The following DCN variants were observed in gnomAD, a reference collection of about 807,000 sequenced individuals.
DCN encodes decorin.
Under a neutral mutation model 36.5 loss-of-function variants are expected in DCN, and 17 were observed. The observed-to-expected ratio is 0.47, with a 90% CI of 0.32 to 0.70. DCN has a LOEUF of 0.70. DCN is among the 30% of genes least tolerant of loss of function. DCN has a pLI of 0.04. For missense variants in DCN, 389 were observed against 430.1 expected (o/e 0.90, Z 0.84); for synonymous variants, 163 against 161.4 (o/e 1.01, Z -0.07).
intron 7 of DCN, among the ~76,000 whole-genome samples, chr12:91,149,909 GA>G (rs1418551621): frequency 1.3e-5 from 2 of 152,076 alleles, no homozygotes; most frequent in Non-Finnish European, 2.9e-5. Flanking sequence ...AAACTGTTGA[GA>G]AAAAGAAAAG....
Position 91,145,330 on chromosome 12 carries a change from A to G in DCN, c.*728T>C, listed in dbSNP as rs1880940280. The G allele has an allele frequency of 1.3e-5, 2 of 152,656 alleles. No individual in the cohort carries two copies. The highest frequency in any genetic ancestry group is 4.8e-5 in the African/African-American group (2 of 41,572). The allele number at this position is 152,656 out of a possible 1,614,324, so 9.5% of individuals were successfully genotyped here. The stretch of plus-strand genomic sequence containing the variant: ...ATCAGTTCTCTAGACCAGTCAGGAA[A>G]TGTATGCTTTGTGCTTTATAAGCTT... On this transcript the variant is annotated 3_prime_UTR_variant, in exon 8 of 8. Coordinates refer to ENST00000052754, the MANE Select transcript of DCN (RefSeq NM_001920.5).
chr12:91,177,223 T>C (rs946805466), intron 2 of DCN: 2 of 244,650 alleles, frequency 8.2e-6, no homozygotes, highest in African/African-American at 2.3e-5. Flanking sequence ...ATATATGTGT[T>C]GAAGAAGCTA....
intron 2 of DCN, chr12:91,176,040 C>A (rs993458089): frequency 6.6e-6 from 1 of 152,010 alleles, no homozygotes; most frequent in African/African-American, 2.4e-5. Context: ...AGCTTGCCAG[C>A]ATCATAAAGT....
chr12:91,159,687 A>T (rs1882037612), intron 3 of DCN, among the ~76,000 whole-genome samples: 1 of 151,950 alleles, frequency 6.6e-6, no homozygotes, highest in Admixed American at 6.6e-5. Context: ...CTTATATAAG[A>T]AATTACCTCT....
rs1253158937 is a variant in DCN, at chr12:91,182,252, C to A, written c.-34+403G>T. On this transcript the variant is annotated intron_variant, in intron 1 of 7. Coordinates refer to ENST00000052754, the MANE Select transcript of DCN (RefSeq NM_001920.5). The stretch of plus-strand genomic sequence containing the variant: ...GGCTTTTAAAAGTCCTTAAAGCAAT[C>A]AAAAATTCAGGAGAAAAATACATTT... 2.0e-5 allele frequency among the ~76,000 whole-genome samples: 3 copies of A among 151,924 alleles called. No homozygotes were observed. The East Asian group carries it at 5.8e-4, about 29-fold the overall frequency.
intron 3 of DCN, among the ~76,000 whole-genome samples, chr12:91,159,652 A>G (rs1592689932): frequency 1.3e-5 from 2 of 151,554 alleles, no homozygotes; most frequent in African/African-American, 4.8e-5. Flanking sequence ...TTGGGTAATT[A>G]TTTGATTTTT....
Position 91,143,227 on chromosome 12 carries a change from C to T in DCN, c.*2831G>A, listed in dbSNP as rs544495668. ...TGGAAGGAATCTGACCCTGCTGACA[C>T]CTTGATTTTGAATTTTTAGCCTCCA... On this transcript the variant is annotated 3_prime_UTR_variant, in exon 8 of 8. Transcript: ENST00000052754. 1.3e-5 allele frequency: 2 copies of T among 152,148 alleles called. No homozygotes were observed. Among genetic ancestry groups the T allele is most frequent in the East Asian group, 3.8e-4 (2 of 5,196 alleles). 9.4% of individuals were successfully genotyped at this position (152,148 alleles called of 1,614,324 possible).
chr12:91,162,768 A>C (rs1416077527), intron 3 of DCN, among the ~76,000 whole-genome samples: 1 of 152,192 alleles, frequency 6.6e-6, no homozygotes, highest in Non-Finnish European at 1.5e-5. Flanking sequence ...CTGCTTCTGT[A>C]AAACTTCTAC....
At position 91,182,288 on chromosome 12, in the gene DCN, T is replaced by C. The variant is rs934236739; in HGVS notation, c.-34+367A>G. On this transcript the variant is annotated intron_variant, in intron 1 of 7. Transcript: ENST00000052754. The stretch of plus-strand genomic sequence containing the variant: ...GAGAAAAATACATTTTTTAAATATA[T>C]AGGTCAATTACAGATATGCTACTTC... Among the ~76,000 whole-genome samples the C allele has an allele frequency of 5.3e-5, 8 of 152,156 alleles. No individual in the cohort carries two copies. The East Asian group carries it at 1.5e-3, about 29-fold the overall frequency.
In DCN at chr12:91,145,441, T is replaced by A. The variant is rs1880948325; in HGVS notation, c.*617A>T. On this transcript the variant is annotated 3_prime_UTR_variant, in exon 8 of 8. Coordinates refer to ENST00000052754, the MANE Select transcript of DCN (RefSeq NM_001920.5). ...AAATAGCTGAGAACTTGAAAAGATG[T>A]ACTGTTATTGTCAACAAACCAATGT... The A allele has an allele frequency of 6.4e-6, 1 of 156,782 alleles. No homozygotes were observed. Among genetic ancestry groups the A allele is most frequent in the Non-Finnish European group, 1.4e-5 (1 of 70,692 alleles). The allele number at this position is 156,782 out of a possible 1,614,324, so 9.7% of individuals were successfully genotyped here.
chr12:91,157,957 G>T lies in DCN; in HGVS notation c.538+339C>A, dbSNP rs1881905069. On this transcript the variant is annotated intron_variant, in intron 4 of 7. Transcript: ENST00000052754. Reference sequence around the variant, plus strand: ...CATATTTTTAAAGCAAATGATTTATGAGTGTTTAGAATACAACAGGTCCCC... The same window carrying T: ...CATATTTTTAAAGCAAATGATTTATTAGTGTTTAGAATACAACAGGTCCCC... Among the ~76,000 whole-genome samples the T allele has an allele frequency of 2.0e-5, 3 of 152,126 alleles. No individual in the cohort carries two copies. In the South Asian group the frequency reaches 6.2e-4, roughly 31 times the overall value.
rs765826074 is a variant in DCN at position 91,164,693 on chromosome 12, A to C, written c.236T>G (p.Leu79Arg). The change falls in exon 3 of 8, where the codon CTT becomes CGT. Residue 79 changes from leucine to arginine, a missense_variant. Coordinates refer to ENST00000052754, the MANE Select transcript of DCN (RefSeq NM_001920.5). ...GTCTAGCAGAGTTGTGTCAGGGGGAAGATCCTTTGGCACTTTGTCCAGACC... is the reference window on the plus strand; with the variant it reads ...GTCTAGCAGAGTTGTGTCAGGGGGACGATCCTTTGGCACTTTGTCCAGACC... ...DLGLDKVPKD[L>R]PPDTTLLDLQ... 4.2e-5 allele frequency: 68 copies of C among 1,610,260 alleles called. No homozygotes were observed. The highest frequency in any genetic ancestry group is 5.0e-5 in the Admixed American group (3 of 59,996).
intron 1 of DCN, among the ~76,000 whole-genome samples, chr12:91,182,034 T>C (rs1478980347): frequency 6.6e-6 from 1 of 152,132 alleles, no homozygotes; most frequent in African/African-American, 2.4e-5. Context: ...AAATTTCACT[T>C]GCAGTGAAGA....
rs1302802917 is a variant in DCN at position 91,178,456 on chromosome 12, C to G, written c.97G>C (p.Ala33Pro). The G allele has an allele frequency of 1.2e-6, 2 of 1,613,834 alleles. No individual in the cohort carries two copies. Among genetic ancestry groups the G allele is most frequent in the Non-Finnish European group, 1.7e-6 (2 of 1,179,942 alleles). Residue 33 changes from alanine to proline, a missense_variant, in exon 2 of 8, where the codon GCT becomes CCT. Transcript: ENST00000052754. ...GLFDFMLEDE[A>P]SGIGPEVPDD... Reference sequence around the variant, plus strand: ...GGAACTTCTGGGCCTATCCCAGAAGCCTCATCTTCTAGCATAAAGTCAAAT... The same window carrying G: ...GGAACTTCTGGGCCTATCCCAGAAGGCTCATCTTCTAGCATAAAGTCAAAT...
rs1241862255 is a variant in DCN at position 91,141,871 on chromosome 12, CCTTTTCTGGTTAT to C, written c.*4174_*4186del. The C allele has an allele frequency of 6.6e-6, 1 of 152,062 alleles. No homozygotes were observed. Among genetic ancestry groups the C allele is most frequent in the Non-Finnish European group, 1.5e-5 (1 of 68,024 alleles). 9.4% of individuals were successfully genotyped at this position (152,062 alleles called of 1,614,324 possible). ...ATACTCAGGAGGCAACTCACCCAGTCCTTTTCTGGTTATCTTATACTGGGGTAGGGTGTGCATA... is the reference window on the plus strand; with the variant it reads ...ATACTCAGGAGGCAACTCACCCAGTCCTTATACTGGGGTAGGGTGTGCATA... On this transcript the variant is annotated 3_prime_UTR_variant, in exon 8 of 8. Transcript: ENST00000052754.
chr12:91,181,967 C>A (rs1273011077), intron 1 of DCN, among the ~76,000 whole-genome samples: 3 of 151,316 alleles, frequency 2.0e-5, no homozygotes, highest in Non-Finnish European at 4.4e-5. Flanking sequence ...ACTGTGTTAC[C>A]CTGTTTTAAA....
At chr12:91,165,965 C>T (rs573350848) in intron 2 of DCN, among the ~76,000 whole-genome samples, 69 of 152,118 alleles carry the variant, frequency 4.5e-4, no homozygotes, top group African/African-American at 1.1e-3. Flanking sequence ...GTATAATAAC[C>T]GCTATGTCGA....
intron 7 of DCN, 74 bp downstream of exon 7, chr12:91,151,580 T>C (rs1881419738): frequency 1.3e-6 from 2 of 1,577,268 alleles, no homozygotes; most frequent in Admixed American, 3.4e-5. Context: ...GCTTCCTGCT[T>C]CCCAGCATCC....
chr12:91,179,696 T>G (rs1012448869), intron 1 of DCN: 1 of 152,154 alleles, frequency 6.6e-6, no homozygotes, highest in Non-Finnish European at 1.5e-5. Context: ...TCTGATTTTT[T>G]AAAACACAAA....
Sources: allele counts gnomAD v4.1 joint callset (sites outside exome capture counted in the v4.1 genomes callset), GRCh38; gene constraint gnomAD v4.1.1; transcripts MANE v1.5; gene names NCBI Gene and HGNC (gene_info 2026-07-23, HGNC 2026-07-21).